EPB41L2: variants seen among roughly 807,000 people sequenced by gnomAD.
EPB41L2 encodes band 4.1-like protein 2.
In EPB41L2, 43 loss-of-function variants were observed where a neutral mutation model predicts 113.0. The ratio of observed to expected loss-of-function variants is 0.38; its 90% confidence interval spans 0.30 to 0.49. The LOEUF (loss-of-function observed/expected upper bound fraction) is 0.49. EPB41L2 is among the 20% of genes least tolerant of loss of function. The pLI, the probability that EPB41L2 is intolerant of heterozygous loss-of-function variation, is 0.95. For synonymous variants in EPB41L2, 442 were observed against 436.7 expected, an observed-to-expected ratio of 1.01 and a Z score of -0.15; for missense variants, 1,147 against 1,223.4, an observed-to-expected ratio of 0.94 and a Z score of 0.93.
At chr6:131,030,915 G>GAA (rs75998999) in intron 1 of EPB41L2, among the ~76,000 whole-genome samples, 3 of 123,012 alleles carry the variant, frequency 2.4e-5, no homozygotes, top group African/African-American at 3.0e-5. Context: ...CATCTCTACA[G>GAA]AAAAAAAAAA....
chr6:130,964,617 TAG>T (rs1017547939), intron 1 of EPB41L2, among the ~76,000 whole-genome samples: 8 of 152,076 alleles, frequency 5.3e-5, no homozygotes, highest in African/African-American at 1.9e-4. Context: ...TGTCATCACA[TAG>T]AGATTCTGCC....
Position 130,895,288 on chromosome 6 carries a change from C to T in EPB41L2, c.1237-169G>A, listed in dbSNP as rs146916914. Among the ~76,000 whole-genome samples, 485 of 152,246 alleles carry T rather than the reference C, an allele frequency of 3.2e-3. 1 individual carries two copies. The highest frequency in any genetic ancestry group is 0.011 in the African/African-American group (470 of 41,522). On this transcript the variant is annotated intron_variant, in intron 8 of 19. Transcript: ENST00000337057. ...ATGAAAACTATGGCGCACACACATA[C>T]ATGTTAAATTTATTCATCTTCAGGG...
chr6:130,914,315 A>G (rs1800290447), intron 4 of EPB41L2, among the ~76,000 whole-genome samples: 1 of 152,236 alleles, frequency 6.6e-6, no homozygotes, highest in Non-Finnish European at 1.5e-5. Flanking sequence ...AATTTTATAT[A>G]TCCATAGGTG....
At chr6:130,867,250 A>G (rs371529490) in intron 16 of EPB41L2, among the ~76,000 whole-genome samples, 8 of 152,216 alleles carry the variant, frequency 5.3e-5, no homozygotes, top group African/African-American at 1.4e-4. Context: ...CAGTTCCCCT[A>G]TAATTACTGG....
chr6:130,934,529 G>A (rs1039680953), intron 3 of EPB41L2, among the ~76,000 whole-genome samples: 1 of 152,148 alleles, frequency 6.6e-6, no homozygotes, highest in African/African-American at 2.4e-5. Flanking sequence ...CTGGAGTGAA[G>A]TGGCACAATC....
intron 3 of EPB41L2, among the ~76,000 whole-genome samples, chr6:130,946,743 AGAGT>A (rs1177473794): frequency 1.3e-5 from 2 of 152,332 alleles, no homozygotes; most frequent in Admixed American, 6.5e-5. Context: ...TTAATTATAT[AGAGT>A]GAGTAAGCTA....
At chr6:131,026,379 T>C (rs1465295120) in intron 1 of EPB41L2, among the ~76,000 whole-genome samples, 1 of 152,246 alleles carries the variant, frequency 6.6e-6, no homozygotes, top group Non-Finnish European at 1.5e-5. Context: ...GTGTATTTAT[T>C]GGCATTCTAA....
At chr6:130,938,658 T>G (rs1402267685) in intron 3 of EPB41L2, among the ~76,000 whole-genome samples, 1 of 152,184 alleles carries the variant, frequency 6.6e-6, no homozygotes, top group African/African-American at 2.4e-5. Context: ...TCCAGCCCTC[T>G]AGCCTCCTCC....
In EPB41L2 at chr6:130,929,737, G is replaced by T. The variant is rs1806056057; in HGVS notation, c.706-3028C>A. 2.0e-5 allele frequency among the ~76,000 whole-genome samples: 3 copies of T among 152,010 alleles called. No homozygotes were observed. The South Asian group carries it at 6.2e-4, about 32-fold the overall frequency. On this transcript the variant is annotated intron_variant, in intron 3 of 19. Coordinates refer to ENST00000337057, the MANE Select transcript of EPB41L2 (RefSeq NM_001431.4). ...CAATTGGCTCAAAGAAAAGTGACCA[G>T]TAGCCTACAAGATAGCCTGATACAA...
chr6:130,880,299 T>A, intron 12 of EPB41L2, 93 bp from the exon 13 acceptor site: 1 of 784,200 alleles, frequency 1.3e-6, no homozygotes, highest in African/African-American at 1.8e-5. Context: ...TTCGACAGTC[T>A]AAGACATTAA....
chr6:130,954,040 C>CTTTTTTTTTTTTTTTTTTTTTT lies in EPB41L2; in HGVS notation c.705+1043_705+1064dup, dbSNP rs780758511. On this transcript the variant is annotated intron_variant, in intron 3 of 19. Coordinates refer to ENST00000337057, the MANE Select transcript of EPB41L2 (RefSeq NM_001431.4). Reference sequence around the variant, plus strand: ...TCCTCTTTTGCTAGTCCTTTTCTTTCTTTTTTTTTTTTTTTTTTTTTTTTT... The same window carrying CTTTTTTTTTTTTTTTTTTTTTT: ...TCCTCTTTTGCTAGTCCTTTTCTTTCTTTTTTTTTTTTTTTTTTTTTTTTTTTTTTTTTTTTTTTTTTTTTTT... Among the ~76,000 whole-genome samples, 55 of 58,868 alleles carry CTTTTTTTTTTTTTTTTTTTTTT rather than the reference C, an allele frequency of 9.3e-4. 2 individuals are homozygous for CTTTTTTTTTTTTTTTTTTTTTT. Among genetic ancestry groups the CTTTTTTTTTTTTTTTTTTTTTT allele is most frequent in the Middle Eastern group, 0.015 (1 of 68 alleles). The allele number at this position is 58,868 out of a possible 152,430, so 38.6% of individuals were successfully genotyped here.
intron 3 of EPB41L2, among the ~76,000 whole-genome samples, chr6:130,954,044 T>C (rs9483199): frequency 0.083 from 1,602 of 19,242 alleles, 82 homozygotes; most frequent in South Asian, 0.18. Context: ...TTCTTTCTTT[T>C]TTTTTTTTTT....
chr6:130,997,344 A>T lies in EPB41L2; in HGVS notation c.-14-40845T>A, dbSNP rs960404362. Among the ~76,000 whole-genome samples the T allele has an allele frequency of 5.9e-5, 9 of 152,336 alleles. No homozygotes were observed. In the East Asian group the frequency reaches 1.5e-3, roughly 26 times the overall value. On this transcript the variant is annotated intron_variant, in intron 1 of 19. Transcript: ENST00000337057. ...AAGAGGTCTTTAAAAAGCAATGCAC[A>T]TCAACAAAAGACTTAAGAGTTCCTG...
chr6:131,049,031 G>C (rs924133245), intron 1 of EPB41L2, among the ~76,000 whole-genome samples: 1 of 152,148 alleles, frequency 6.6e-6, no homozygotes, highest in African/African-American at 2.4e-5. Flanking sequence ...ATTTAAGCTT[G>C]CAGCACTGAA....
chr6:130,973,819 T>C (rs1009141592), intron 1 of EPB41L2, among the ~76,000 whole-genome samples: 1 of 152,210 alleles, frequency 6.6e-6, no homozygotes, highest in Non-Finnish European at 1.5e-5. Context: ...CTCCCTAAAA[T>C]GTATAAAACC....
chr6:130,873,466 G>T (rs36037798), intron 14 of EPB41L2, among the ~76,000 whole-genome samples: 114,282 of 147,730 alleles, frequency 0.77, 44,658 homozygotes, highest in East Asian at 1. Context: ...CACTATTCAG[G>T]TTTTTTTTTT....
chr6:130,847,499 TGAAGA>T (rs1444823800), intron 19 of EPB41L2, among the ~76,000 whole-genome samples: 13 of 152,076 alleles, frequency 8.5e-5, no homozygotes, highest in African/African-American at 3.1e-4. Context: ...AACGTAAGAC[TGAAGA>T]ATAAGAGCTT....
intron 1 of EPB41L2, among the ~76,000 whole-genome samples, chr6:131,040,578 T>G (rs1256412147): frequency 6.6e-6 from 1 of 152,150 alleles, no homozygotes; most frequent in East Asian, 1.9e-4. Context: ...ACTAACACTA[T>G]TATGTCAAAG....
At chr6:131,059,215 C>T (rs533181636) in intron 1 of EPB41L2, among the ~76,000 whole-genome samples, 82 of 149,926 alleles carry the variant, frequency 5.5e-4, no homozygotes, top group African/African-American at 1.9e-3. Flanking sequence ...CCCGGGTTCA[C>T]GCCATTCTCC....
Sources: gnomAD v4.1 joint callset for allele counts (sites outside exome capture counted in the v4.1 genomes callset) on GRCh38, gnomAD v4.1.1 for gene constraint, MANE v1.5 for transcripts, NCBI Gene and HGNC (gene_info 2026-07-23, HGNC 2026-07-21) for gene names.